The following ASIC2 variants were observed in gnomAD, a reference collection of about 807,000 sequenced individuals.
ASIC2 encodes the protein acid sensing ion channel subunit 2.
ASIC2 carries 25 observed loss-of-function variants against 57.3 expected under a neutral mutation model. The ratio of observed to expected loss-of-function variants is 0.44; its 90% CI spans 0.32 to 0.61. ASIC2 has a LOEUF of 0.61. ASIC2 is among the 20% of genes least tolerant of loss of function. ASIC2 has a pLI of 0.06. For missense variants in ASIC2, 641 were observed against 738.1 expected, an observed-to-expected ratio of 0.87 and a Z score of 1.52; for synonymous variants, 319 against 307.5, an observed-to-expected ratio of 1.04 and a Z score of -0.39.
chr17:33,719,929 G>A (rs563321116), intron 1 of ASIC2, among the ~76,000 whole-genome samples: 2 of 152,340 alleles, frequency 1.3e-5, no homozygotes, highest in South Asian at 2.1e-4. Context: ...CACCCAGGCT[G>A]GAGTGTAGTG....
At chr17:33,453,303 A>C (rs1051034967) in intron 1 of ASIC2, among the ~76,000 whole-genome samples, 1 of 150,986 alleles carries the variant, frequency 6.6e-6, no homozygotes. Context: ...AAAAAAAAAG[A>C]AACTGATTTT....
chr17:33,309,949 C>T lies in ASIC2; in HGVS notation c.556-197882G>A, dbSNP rs1042737883. The stretch of plus-strand genomic sequence containing the variant: ...AGAATGCCATGACTCCTCCCCTCCA[C>T]CCCATGGAGTCAAGCAAGATGATGT... On this transcript the variant is annotated intron_variant, in intron 1 of 9. Transcript: ENST00000359872. Among the ~76,000 whole-genome samples the T allele has an allele frequency of 1.2e-4, 18 of 145,874 alleles. 1 individual carries two copies. The highest frequency in any genetic ancestry group is 1.5e-4 in the Non-Finnish European group (10 of 67,012).
At chr17:33,140,671 G>T (rs1443022075) in intron 1 of ASIC2, among the ~76,000 whole-genome samples, 2 of 152,228 alleles carry the variant, frequency 1.3e-5, no homozygotes. Flanking sequence ...AACCCACAGG[G>T]GACCTGATTT....
At chr17:33,512,029 A>G (rs1191273979) in intron 1 of ASIC2, among the ~76,000 whole-genome samples, 2 of 152,088 alleles carry the variant, frequency 1.3e-5, no homozygotes, top group Non-Finnish European at 2.9e-5. Flanking sequence ...TCTTATTTTT[A>G]TTTCTGGGTT....
intron 3 of ASIC2, among the ~76,000 whole-genome samples, chr17:33,083,252 T>C (rs915253927): frequency 6.6e-6 from 1 of 152,102 alleles, no homozygotes; most frequent in African/African-American, 2.4e-5. Context: ...CTCAGAGGGC[T>C]CTGAGACTAT....
intron 1 of ASIC2, chr17:34,081,035 C>G (rs950633437): frequency 2.6e-5 from 4 of 152,182 alleles, no homozygotes; most frequent in Admixed American, 2.0e-4. Flanking sequence ...GCCAAGCAGC[C>G]TCTATTGGCA....
chr17:33,587,678 G>A (rs1904683012), intron 1 of ASIC2, among the ~76,000 whole-genome samples: 1 of 152,202 alleles, frequency 6.6e-6, no homozygotes, highest in African/African-American at 2.4e-5. Context: ...AGTGAGCAGA[G>A]AAGAAGGCAG....
Position 34,134,481 on chromosome 17 carries a change from G to T in ASIC2, c.555+21497C>A, listed in dbSNP as rs141455992. Among the ~76,000 whole-genome samples, 56 of 152,244 alleles carry T rather than the reference G, an allele frequency of 3.7e-4. 1 individual carries two copies. Among genetic ancestry groups the T allele is most frequent in the Middle Eastern group, 3.4e-3 (1 of 294 alleles). ...GTCAAGTCCCTGGCAAAGAGTAAAT[G>T]CACAATGCAGGAAGGAGAGAATGGA... On this transcript the variant is annotated intron_variant, in intron 1 of 9. Coordinates refer to the ASIC2 transcript ENST00000359872.
intron 1 of ASIC2, among the ~76,000 whole-genome samples, chr17:33,261,819 G>C (rs940408646): frequency 0.015 from 2 of 132 alleles, no homozygotes; most frequent in East Asian, 0.25. Flanking sequence ...GTCACGACGA[G>C]GTGAACGTGG....
At chr17:33,905,809 C>T (rs1310412406) in intron 1 of ASIC2, among the ~76,000 whole-genome samples, 1 of 151,808 alleles carries the variant, frequency 6.6e-6, no homozygotes, top group Non-Finnish European at 1.5e-5. Context: ...GGCTGAAGTT[C>T]TTTTTTTGTT....
intron 1 of ASIC2, among the ~76,000 whole-genome samples, chr17:33,363,596 C>A (rs1223964786): frequency 6.6e-6 from 1 of 152,226 alleles, no homozygotes. Context: ...TGGCCTCTGC[C>A]ACTGAACACC....
chr17:33,654,230 G>A (rs948798088), intron 1 of ASIC2, among the ~76,000 whole-genome samples: 7 of 152,234 alleles, frequency 4.6e-5, no homozygotes, highest in African/African-American at 1.4e-4. Flanking sequence ...AGGAAAGTGA[G>A]CATATCAAAA....
chr17:34,106,802 G>C (rs899382678), intron 1 of ASIC2, among the ~76,000 whole-genome samples: 4 of 151,984 alleles, frequency 2.6e-5, no homozygotes, highest in African/African-American at 7.3e-5. Flanking sequence ...GATATTCCAG[G>C]TTCATCTTTT....
chr17:34,059,243 G>A (rs1002512664), intron 1 of ASIC2, among the ~76,000 whole-genome samples: 4 of 152,218 alleles, frequency 2.6e-5, no homozygotes, highest in Non-Finnish European at 2.9e-5. Flanking sequence ...CCACTGGAGA[G>A]GTTGAAGGTC....
chr17:33,972,108 A>G (rs554044952), intron 1 of ASIC2, among the ~76,000 whole-genome samples: 5 of 152,342 alleles, frequency 3.3e-5, no homozygotes, highest in African/African-American at 1.2e-4. Context: ...AATGTTGGGA[A>G]CAACTATAAA....
Position 33,021,330 on chromosome 17 carries a change from T to C in ASIC2, c.1350-20A>G, listed in dbSNP as rs1362687665. On this transcript the variant is annotated intron_variant, in intron 6 of 9. Coordinates refer to ENST00000225823, the MANE Select transcript of ASIC2 (RefSeq NM_183377.2). ...TTCTCTCTGCAGAGAGAATAGTCAG[T>C]ACCATACATGGTTAGAGCTATCAGC... The C allele has an allele frequency of 1.9e-6, 3 of 1,553,040 alleles. No individual in the cohort carries two copies. Among genetic ancestry groups the C allele is most frequent in the Non-Finnish European group, 2.7e-6 (3 of 1,129,288 alleles).
At chr17:33,974,609 C>T (rs538701878) in intron 1 of ASIC2, among the ~76,000 whole-genome samples, 1 of 143,786 alleles carries the variant, frequency 7.0e-6, no homozygotes, top group Non-Finnish European at 1.5e-5. Context: ...CCTATCTATC[C>T]ATCCATCCAT....
At chr17:33,304,608 GTA>G (rs1348269517) in intron 1 of ASIC2, among the ~76,000 whole-genome samples, 1 of 152,134 alleles carries the variant, frequency 6.6e-6, no homozygotes, top group African/African-American at 2.4e-5. Flanking sequence ...GCCCATTCTA[GTA>G]TGTTTCCTCC....
chr17:33,931,904 C>A (rs1193458067), intron 1 of ASIC2, among the ~76,000 whole-genome samples: 2 of 152,150 alleles, frequency 1.3e-5, no homozygotes, highest in Non-Finnish European at 2.9e-5. Context: ...GTAATGTTGG[C>A]GCTGATTCCA....
Sources: gnomAD v4.1 joint callset for allele counts (sites outside exome capture counted in the v4.1 genomes callset) on GRCh38, gnomAD v4.1.1 for gene constraint, MANE v1.5 for transcripts, NCBI Gene and HGNC (gene_info 2026-07-23, HGNC 2026-07-21) for gene names.